SORCS2: variants seen among roughly 807,000 people sequenced by gnomAD.
SORCS2 encodes the protein sortilin related VPS10 domain containing receptor 2.
SORCS2 carries 100 observed loss-of-function variants against 141.6 expected under a neutral mutation model. That is an observed-to-expected ratio of 0.71 (90% CI 0.60 to 0.83). SORCS2 has a LOEUF of 0.83. Ranked by LOEUF, SORCS2 falls within the 40% of genes least tolerant of loss-of-function variation. The pLI is 0.00. For missense variants in SORCS2, 1,646 were observed against 1,560.2 expected (o/e 1.05, Z -0.93); for synonymous variants, 789 against 676.9 (o/e 1.17, Z -2.57).
At chr4:7,344,244 T>C (rs965036210) in intron 1 of SORCS2, among the ~76,000 whole-genome samples, 10 of 152,198 alleles carry the variant, frequency 6.6e-5, no homozygotes, top group Admixed American at 2.6e-4. Context: ...AGTGGCTTCC[T>C]CATCTGCTGA....
chr4:7,724,244 G>T (rs1180620123), intron 19 of SORCS2, among the ~76,000 whole-genome samples: 1 of 149,520 alleles, frequency 6.7e-6, no homozygotes. Flanking sequence ...AGTGATGATG[G>T]TGACGTTGGT....
chr4:7,328,660 G>C (rs1719438264), intron 1 of SORCS2, among the ~76,000 whole-genome samples: 1 of 152,132 alleles, frequency 6.6e-6, no homozygotes, highest in Admixed American at 6.5e-5. Flanking sequence ...CGACAGCCCT[G>C]CCCTGGCCTC....
chr4:7,664,411 A>G lies in SORCS2; in HGVS notation c.1011A>G (p.Pro337=), dbSNP rs2108924616. 6.2e-7 allele frequency: 1 copy of G among 1,613,884 alleles called. No homozygotes were observed. Among genetic ancestry groups the G allele is most frequent in the Non-Finnish European group, 8.5e-7 (1 of 1,179,858 alleles). Residue 337 remains proline (P), a synonymous_variant, in exon 7 of 27, where the codon CCA becomes CCG. Coordinates refer to ENST00000507866, the MANE Select transcript of SORCS2 (RefSeq NM_020777.3). The surrounding 1 kb of genome is among the most constrained non-coding windows in gnomAD (Gnocchi z 4.7). ...GCTCCGAGAAGATGCTGACAGCCCC[A>G]TTCGCAGGCCCCATTGACCACGGGT... is the stretch of plus-strand genomic sequence containing the variant. ...HNCSEKMLTA[P]FAGPIDHGSL...
intron 2 of SORCS2, among the ~76,000 whole-genome samples, chr4:7,494,473 G>A (rs1037100336): frequency 6.6e-6 from 1 of 152,064 alleles, no homozygotes; most frequent in African/African-American, 2.4e-5. Flanking sequence ...GCCTCTTCCT[G>A]GCTTGCAGAT....
chr4:7,445,714 C>A (rs1727946334), intron 2 of SORCS2, among the ~76,000 whole-genome samples: 1 of 152,168 alleles, frequency 6.6e-6, no homozygotes, highest in South Asian at 2.1e-4. Flanking sequence ...CTGGGCCAGT[C>A]ACTCACCTGT....
intron 1 of SORCS2, among the ~76,000 whole-genome samples, chr4:7,329,861 T>C (rs1719534441): frequency 6.6e-6 from 1 of 152,116 alleles, no homozygotes; most frequent in Non-Finnish European, 1.5e-5. Flanking sequence ...AGTAAATGCA[T>C]TTTTGACTCA....
chr4:7,728,339 C>T lies in SORCS2; in HGVS notation c.2870-11C>T, dbSNP rs373164614. 109 of 1,604,740 alleles carry T rather than the reference C, an allele frequency of 6.8e-5. No homozygotes were observed. Among genetic ancestry groups the T allele is most frequent in the Non-Finnish European group, 8.6e-5 (101 of 1,172,776 alleles). ...AGAACTGACCAGTCTCCCTTCTCTG[C>T]GTCTTTCCAGATCAATTTCAAGTCA... On this transcript the variant is annotated splice_polypyrimidine_tract_variant and intron_variant, in intron 21 of 26. Coordinates refer to ENST00000507866, the MANE Select transcript of SORCS2 (RefSeq NM_020777.3).
intron 2 of SORCS2, among the ~76,000 whole-genome samples, chr4:7,425,571 G>T (rs59572228): frequency 0.041 from 6,273 of 152,256 alleles, 421 homozygotes; most frequent in African/African-American, 0.14. Flanking sequence ...TCCTTTCCTT[G>T]GTCTCACAGA....
intron 3 of SORCS2, among the ~76,000 whole-genome samples, chr4:7,632,365 A>T (rs910478368): frequency 5.3e-5 from 8 of 152,182 alleles, no homozygotes; most frequent in Non-Finnish European, 1.0e-4. Flanking sequence ...CAGTAAAAAT[A>T]CACCATTTAA....
intron 23 of SORCS2, 26 bp from the exon 24 acceptor site, chr4:7,733,292 CCTCA>C (rs1711853284): frequency 6.7e-7 from 1 of 1,497,566 alleles, no homozygotes; most frequent in African/African-American, 1.4e-5. Flanking sequence ...TCCATGGAGG[CCTCA>C]CTCACTGTCC....
intron 1 of SORCS2, among the ~76,000 whole-genome samples, chr4:7,301,176 T>A (rs183437643): frequency 1.9e-3 from 289 of 152,304 alleles, no homozygotes; most frequent in African/African-American, 6.5e-3. Context: ...AGCCCCGATC[T>A]TGGCAGTCGC....
intron 1 of SORCS2, among the ~76,000 whole-genome samples, chr4:7,307,005 G>A (rs1469506324): frequency 4.6e-5 from 7 of 152,206 alleles, no homozygotes; most frequent in African/African-American, 7.2e-5. Flanking sequence ...GGGAGAGTCT[G>A]CAAGTCCACA....
intron 16 of SORCS2, among the ~76,000 whole-genome samples, chr4:7,714,701 G>T (rs1726073339): frequency 6.6e-6 from 1 of 152,188 alleles, no homozygotes; most frequent in Non-Finnish European, 1.5e-5. Context: ...TCCATCCAGG[G>T]ACTCTGCTGA....
intron 19 of SORCS2, among the ~76,000 whole-genome samples, chr4:7,724,867 G>GATAGTATTGGTGGGAATGGATGGTGGTA (rs1560114887): frequency 5.1e-5 from 3 of 58,634 alleles, no homozygotes; most frequent in East Asian, 5.7e-4. Context: ...TGATGGTGGT[G>GATAGTATTGGTGGGAATGGATGGTGGTA]GTAGTGGTGA....
At chr4:7,493,777 G>A (rs551176237) in intron 2 of SORCS2, among the ~76,000 whole-genome samples, 24 of 152,270 alleles carry the variant, frequency 1.6e-4, no homozygotes, top group African/African-American at 5.3e-4. Flanking sequence ...AGACACCGCT[G>A]CTCAGCCTGG....
intron 1 of SORCS2, among the ~76,000 whole-genome samples, chr4:7,275,271 C>T (rs73206454): frequency 0.09 from 13,690 of 152,202 alleles, 817 homozygotes; most frequent in East Asian, 0.2. Flanking sequence ...GACTCGAAGT[C>T]ATGGTCAAGA....
intron 3 of SORCS2, among the ~76,000 whole-genome samples, chr4:7,623,031 G>A (rs1324387481): frequency 6.6e-6 from 1 of 151,984 alleles, no homozygotes; most frequent in South Asian, 2.1e-4. Flanking sequence ...ATGGTTAGAG[G>A]GCAGATGAAG....
rs750057469 is a variant in SORCS2, at chr4:7,728,430, G to A, written c.2950G>A (p.Val984Met). The A allele has an allele frequency of 2.5e-5, 41 of 1,613,302 alleles. No homozygotes were observed. In the Middle Eastern group the frequency reaches 4.9e-4, roughly 19 times the overall value. Residue 984 changes from valine (V) to methionine (M), a missense_variant, in exon 22 of 27, where the codon GTG becomes ATG. Transcript: ENST00000507866. ...CAACACCCCTGAGTGGAGGGAAGAC[G>A]TGGGCCTGGTGGTCACCCGGCTGCT... ...NPNTPEWRED[V>M]GLVVTRLLSK...
chr4:7,667,574 C>T (rs888360937), intron 8 of SORCS2, among the ~76,000 whole-genome samples: 13 of 152,216 alleles, frequency 8.5e-5, no homozygotes, highest in South Asian at 8.3e-4. Context: ...CTTCTCCTTG[C>T]TGGTGCCCAG....
Sources: allele counts gnomAD v4.1 joint callset (sites outside exome capture counted in the v4.1 genomes callset), GRCh38; gene constraint gnomAD v4.1.1; non-coding constraint Gnocchi (gnomAD v3.1); transcripts MANE v1.5; gene names NCBI Gene and HGNC (gene_info 2026-07-23, HGNC 2026-07-21).